Variants in MEP1A observed in about 807,000 individuals in gnomAD.
MEP1A encodes the protein meprin A subunit alpha.
A neutral mutation model predicts 84.5 loss-of-function variants in MEP1A; 68 were observed. The observed-to-expected ratio is 0.80, with a 90% confidence interval of 0.66 to 0.98. The LOEUF (loss-of-function observed/expected upper bound fraction) is 0.98. Among genes scored for constraint, MEP1A ranks in the 50% least tolerant of loss-of-function variants. The pLI, the probability that MEP1A is intolerant of heterozygous loss-of-function variation, is 0.00. For synonymous variants in MEP1A, 337 were observed against 336.8 expected (o/e 1.00, Z -0.01); for missense variants, 887 against 919.9 (o/e 0.96, Z 0.46).
chr6:46,796,802 G>A (rs1411723539), intron 3 of MEP1A, among the ~76,000 whole-genome samples: 1 of 152,178 alleles, frequency 6.6e-6, no homozygotes, highest in Non-Finnish European at 1.5e-5. Context: ...CTCTGAAAGA[G>A]CTCCCTCAAT....
At chr6:46,806,497 T>C (rs1040452530) in intron 5 of MEP1A, among the ~76,000 whole-genome samples, 1 of 151,964 alleles carries the variant, frequency 6.6e-6, no homozygotes, top group African/African-American at 2.4e-5. Context: ...AATGCCCGAG[T>C]TTCCCCAACC....
intron 8 of MEP1A, among the ~76,000 whole-genome samples, chr6:46,825,778 T>C (rs1368348256): frequency 6.6e-6 from 1 of 152,198 alleles, no homozygotes; most frequent in Non-Finnish European, 1.5e-5. Flanking sequence ...ATTATGTAGT[T>C]ATGTTTTATA....
intron 6 of MEP1A, among the ~76,000 whole-genome samples, chr6:46,816,356 G>T (rs1156508487): frequency 6.6e-6 from 1 of 152,160 alleles, no homozygotes; most frequent in Non-Finnish European, 1.5e-5. Flanking sequence ...TTAGCCCTCA[G>T]CAGGCTTACA....
At chr6:46,796,318 G>T (rs529903356) in intron 3 of MEP1A, among the ~76,000 whole-genome samples, 35 of 152,030 alleles carry the variant, frequency 2.3e-4, no homozygotes, top group Non-Finnish European at 3.2e-4. Context: ...ATCTGGTGTT[G>T]CCTCTACCTC....
chr6:46,845,619 G>A, the MEP1A span, among the ~76,000 whole-genome samples: 7 of 152,194 alleles, frequency 4.6e-5, no homozygotes, highest in African/African-American at 1.2e-4. Context: ...GAAGAAAAGG[G>A]TTGGTCTTCT....
downstream of MEP1A, among the ~76,000 whole-genome samples, chr6:46,841,755 G>A (rs184347661): frequency 6.6e-6 from 1 of 152,146 alleles, no homozygotes; most frequent in African/African-American, 2.4e-5. Context: ...CAAATGTCAG[G>A]TTCTTTCAGT....
At chr6:46,808,198 T>C (rs771891250) in intron 5 of MEP1A, among the ~76,000 whole-genome samples, 2 of 152,082 alleles carry the variant, frequency 1.3e-5, no homozygotes, top group Non-Finnish European at 2.9e-5. Context: ...CATCTCTTCA[T>C]ATTACAGATG....
intron 11 of MEP1A, among the ~76,000 whole-genome samples, chr6:46,834,159 G>A (rs954710289): frequency 6.6e-6 from 1 of 151,822 alleles, no homozygotes; most frequent in Non-Finnish European, 1.5e-5. Context: ...CTGAGCTCAG[G>A]CAATCCACCC....
intron 7 of MEP1A, among the ~76,000 whole-genome samples, chr6:46,820,376 TC>T (rs1767739807): frequency 6.6e-6 from 1 of 152,156 alleles, no homozygotes; most frequent in Non-Finnish European, 1.5e-5. Context: ...TTTAACTATT[TC>T]ATTGTTCTTT....
chr6:46,822,266 A>G lies in MEP1A; in HGVS notation c.556+2562A>G, dbSNP rs143949468. Among the ~76,000 whole-genome samples, 6 of 152,256 alleles carry G rather than the reference A, an allele frequency of 3.9e-5. No individual in the cohort carries two copies. The East Asian group carries it at 9.7e-4, about 25-fold the overall frequency. On this transcript the variant is annotated intron_variant, in intron 7 of 13. Coordinates refer to ENST00000230588, the MANE Select transcript of MEP1A (RefSeq NM_005588.3). ...GAGTTGAGTAGTTACAACAGAGAAC[A>G]TATTTTCTATCTACTCTAGAACAGG...
chr6:46,803,437 A>G (rs1479467529), intron 5 of MEP1A, among the ~76,000 whole-genome samples: 2 of 151,466 alleles, frequency 1.3e-5, no homozygotes, highest in Non-Finnish European at 3.0e-5. Flanking sequence ...TGATAGTCCT[A>G]TTTCACTTTT....
chr6:46,814,962 G>T (rs189547937), intron 6 of MEP1A, among the ~76,000 whole-genome samples: 1 of 152,312 alleles, frequency 6.6e-6, no homozygotes, highest in Non-Finnish European at 1.5e-5. Context: ...GGAATGAAGT[G>T]GACTCTGTGA....
chr6:46,802,773 C>G, intron 5 of MEP1A, among the ~76,000 whole-genome samples: 1 of 151,722 alleles, frequency 6.6e-6, no homozygotes, highest in East Asian at 1.9e-4. Context: ...AATGCTTTTC[C>G]TGCAACAATT....
chr6:46,819,481 C>G, intron 6 of MEP1A, 48 bp from the exon 7 acceptor site: 1 of 1,491,044 alleles, frequency 6.7e-7, no homozygotes, highest in Non-Finnish European at 9.1e-7. Flanking sequence ...GAATGACAGC[C>G]ACTTAAAAAT....
Position 46,826,368 on chromosome 6 carries a change from C to A in MEP1A, c.793C>A (p.Leu265Ile), listed in dbSNP as rs576160680. 3.7e-6 allele frequency: 6 copies of A among 1,604,788 alleles called. No individual in the cohort carries two copies. The highest frequency in any genetic ancestry group is 5.1e-6 in the Non-Finnish European group (6 of 1,176,040). The change falls in exon 9 of 14, where the codon CTT (leucine) becomes ATT (isoleucine). Residue 265 changes from leucine (L) to isoleucine (I), a missense_variant. Leu to Ile is a conservative substitution (Grantham distance 5, BLOSUM62 2). Coordinates refer to ENST00000230588, the MANE Select transcript of MEP1A (RefSeq NM_005588.3). The stretch of plus-strand genomic sequence containing the variant: ...ATAATTTGCAGCCACAACTCACACT[C>A]TTTTGGACCACTGTACTTTTGAGAA... ...RMYNCTTTHT[L>I]LDHCTFEKAN...
At chr6:46,825,805 C>A (rs1767929071) in intron 8 of MEP1A, among the ~76,000 whole-genome samples, 1 of 152,098 alleles carries the variant, frequency 6.6e-6, no homozygotes, top group Non-Finnish European at 1.5e-5. Flanking sequence ...AAGTACTGGA[C>A]AAACGTAAGG....
At chr6:46,840,043 A>T (rs1768306148), downstream of MEP1A, among the ~76,000 whole-genome samples, 3 of 152,128 alleles carry the variant, frequency 2.0e-5, no homozygotes, top group South Asian at 6.2e-4. Flanking sequence ...GTGAAAAAAA[A>T]AAAAAAGCTA....
intron 10 of MEP1A, 97 bp from the exon 11 acceptor site, chr6:46,832,977 A>G (rs1562117240): frequency 2.9e-6 from 2 of 680,704 alleles, no homozygotes; most frequent in Non-Finnish European, 5.0e-6. Context: ...ATTTAATGAG[A>G]TAATTTATGG....
chr6:46,797,887 CT>C (rs1767094496), intron 3 of MEP1A, among the ~76,000 whole-genome samples: 1 of 37,502 alleles, frequency 2.7e-5, no homozygotes, highest in Non-Finnish European at 5.1e-5. Context: ...TCCTTCCTTC[CT>C]TCCTTCCTTC....
Sources: allele counts gnomAD v4.1 joint callset (sites outside exome capture counted in the v4.1 genomes callset), GRCh38; gene constraint gnomAD v4.1.1; transcripts MANE v1.5; gene names NCBI Gene and HGNC (gene_info 2026-07-23, HGNC 2026-07-21).